Variants in CTNNA3 observed in about 807,000 individuals in gnomAD.
CTNNA3 encodes catenin alpha 3.
CTNNA3 carries 76 observed loss-of-function variants against 95.7 expected under a neutral mutation model. The ratio of observed to expected loss-of-function variants is 0.79; its 90% CI spans 0.66 to 0.96. The LOEUF is 0.96. Ranked by LOEUF, CTNNA3 falls within the 40% of genes least tolerant of loss-of-function variation. CTNNA3 has a pLI of 0.00. For missense variants in CTNNA3, 1,191 were observed against 1,089.8 expected, an observed-to-expected ratio of 1.09 and a Z score of -1.31; for synonymous variants, 431 against 374.4, an observed-to-expected ratio of 1.15 and a Z score of -1.74.
chr10:67,763,199 A>G (rs1042702265), intron 1 of CTNNA3, among the ~76,000 whole-genome samples: 4 of 152,130 alleles, frequency 2.6e-5, no homozygotes, highest in African/African-American at 4.8e-5. Flanking sequence ...ATGCCTGGCA[A>G]TGTCGGGAAT....
intron 3 of CTNNA3, among the ~76,000 whole-genome samples, chr10:67,584,096 T>G (rs1402326523): frequency 2.6e-5 from 4 of 152,224 alleles, no homozygotes; most frequent in Non-Finnish European, 5.9e-5. Context: ...TCCAGCTTTG[T>G]TCCGTTGCTG....
At chr10:67,525,870 CATGCATTT>C (rs1448089667) in intron 4 of CTNNA3, among the ~76,000 whole-genome samples, 1 of 152,148 alleles carries the variant, frequency 6.6e-6, no homozygotes, top group Non-Finnish European at 1.5e-5. Context: ...TTTAATATTT[CATGCATTT>C]ATACGAGGTG....
At chr10:67,011,387 A>G (rs770113174) in intron 7 of CTNNA3, among the ~76,000 whole-genome samples, 3 of 151,178 alleles carry the variant, frequency 2.0e-5, no homozygotes, top group Non-Finnish European at 2.9e-5. Context: ...ATAATAAACT[A>G]TTCAGAAGGT....
At chr10:67,689,960 G>A (rs1326583980) in intron 1 of CTNNA3, among the ~76,000 whole-genome samples, 1 of 152,194 alleles carries the variant, frequency 6.6e-6, no homozygotes, top group Admixed American at 6.5e-5. Context: ...TCCCATCTGG[G>A]TTGCCAAAAT....
intron 2 of CTNNA3, among the ~76,000 whole-genome samples, chr10:67,628,862 T>C (rs1440363978): frequency 6.6e-6 from 1 of 151,306 alleles, no homozygotes; most frequent in Admixed American, 6.6e-5. Flanking sequence ...ATTCTGATGC[T>C]TTTTTTTTCT....
chr10:66,323,622 A>T (rs930942017), intron 12 of CTNNA3, among the ~76,000 whole-genome samples: 1 of 149,914 alleles, frequency 6.7e-6, no homozygotes, highest in African/African-American at 2.4e-5. Context: ...ACTGCACTCC[A>T]CCCTGGGTGA....
chr10:66,273,949 A>G (rs2091335391), intron 13 of CTNNA3, among the ~76,000 whole-genome samples: 1 of 151,992 alleles, frequency 6.6e-6, no homozygotes, highest in South Asian at 2.1e-4. Context: ...TAGCTCCAGG[A>G]ACCTCGAAGA....
chr10:66,630,247 T>C (rs1845085181), intron 9 of CTNNA3, among the ~76,000 whole-genome samples: 1 of 152,098 alleles, frequency 6.6e-6, no homozygotes, highest in Non-Finnish European at 1.5e-5. Flanking sequence ...AAATGGGTTT[T>C]AAGGGAGGAG....
intron 9 of CTNNA3, among the ~76,000 whole-genome samples, chr10:66,666,505 C>T (rs1846456067): frequency 6.6e-6 from 1 of 152,120 alleles, no homozygotes; most frequent in African/African-American, 2.4e-5. Flanking sequence ...ATAAGAGTCT[C>T]TTATATACTT....
intron 3 of CTNNA3, among the ~76,000 whole-genome samples, chr10:67,540,142 T>G (rs2133204106): frequency 1.3e-5 from 2 of 152,256 alleles, no homozygotes; most frequent in Middle Eastern, 6.8e-3. Context: ...AACTATATCC[T>G]AAATTTAGTC....
intron 3 of CTNNA3, among the ~76,000 whole-genome samples, chr10:67,566,848 A>T (rs1238352241): frequency 6.6e-6 from 1 of 152,112 alleles, no homozygotes; most frequent in Non-Finnish European, 1.5e-5. Context: ...GCCATAAAAA[A>T]TGATGAGTTC....
intron 5 of CTNNA3, among the ~76,000 whole-genome samples, chr10:67,255,995 T>C (rs2132374225): frequency 6.6e-6 from 1 of 151,674 alleles, no homozygotes; most frequent in East Asian, 1.9e-4. Context: ...ATATAATAGA[T>C]ATAGAGTATA....
At chr10:67,018,054 G>A (rs533792803) in intron 7 of CTNNA3, among the ~76,000 whole-genome samples, 1 of 152,114 alleles carries the variant, frequency 6.6e-6, no homozygotes, top group Non-Finnish European at 1.5e-5. Flanking sequence ...TTACAGGTGT[G>A]AGCCACCATG....
At chr10:66,234,241 TCAA>T (rs2089741849) in intron 13 of CTNNA3, among the ~76,000 whole-genome samples, 1 of 152,182 alleles carries the variant, frequency 6.6e-6, no homozygotes, top group African/African-American at 2.4e-5. Context: ...ATGTTACACT[TCAA>T]CAACATGTTT....
At chr10:67,720,730 G>C (rs1208749651) in intron 1 of CTNNA3, among the ~76,000 whole-genome samples, 1 of 152,134 alleles carries the variant, frequency 6.6e-6, no homozygotes, top group African/African-American at 2.4e-5. Context: ...GAAGTGGGCA[G>C]ATCACCTGAG....
At chr10:66,332,028 A>C (rs1039851165) in intron 12 of CTNNA3, among the ~76,000 whole-genome samples, 3 of 152,002 alleles carry the variant, frequency 2.0e-5, no homozygotes, top group African/African-American at 7.2e-5. Context: ...GAGTTCACTC[A>C]TGATTTGGCT....
At chr10:66,771,950 T>C (rs114820123) in intron 8 of CTNNA3, among the ~76,000 whole-genome samples, 12 of 152,246 alleles carry the variant, frequency 7.9e-5, no homozygotes, top group African/African-American at 2.6e-4. Context: ...AAAGGTTTCA[T>C]GGAAGCAATA....
intron 13 of CTNNA3, among the ~76,000 whole-genome samples, chr10:66,112,287 A>T (rs1206095305): frequency 6.6e-6 from 1 of 152,186 alleles, no homozygotes; most frequent in Non-Finnish European, 1.5e-5. Flanking sequence ...TACATATTTT[A>T]TTGAGTTAAT....
intron 10 of CTNNA3, among the ~76,000 whole-genome samples, chr10:66,552,214 ATCT>A (rs978849590): frequency 1.3e-5 from 2 of 152,062 alleles, no homozygotes; most frequent in Non-Finnish European, 2.9e-5. Flanking sequence ...GGATTAGGGA[ATCT>A]TCTTATCAGA....
Sources: gnomAD v4.1 joint callset for allele counts (sites outside exome capture counted in the v4.1 genomes callset) on GRCh38, gnomAD v4.1.1 for gene constraint, MANE v1.5 for transcripts, NCBI Gene and HGNC (gene_info 2026-07-23, HGNC 2026-07-21) for gene names.